The following LRRIQ1 variants were observed in gnomAD, a reference collection of about 807,000 sequenced individuals.
The protein encoded by LRRIQ1 is leucine-rich repeat- and IQ domain-containing protein 1.
A neutral mutation model predicts 211.9 loss-of-function variants in LRRIQ1; 210 were observed. That is an observed-to-expected ratio of 0.99 (90% confidence interval 0.89 to 1.11). LRRIQ1 has a LOEUF of 1.11. LRRIQ1 is among the 50% of genes most tolerant of loss of function. The probability of loss-of-function intolerance (pLI) is 0.00; values close to 1 mark genes in which losing one functional copy is unlikely to be tolerated. For missense variants in LRRIQ1, 2,136 were observed against 1,939.5 expected (o/e 1.10, Z -1.90); for synonymous variants, 699 against 650.1 (o/e 1.08, Z -1.14).
Position 85,104,064 on chromosome 12 carries a change from C to T in LRRIQ1, c.3270C>T (p.His1090=), listed in dbSNP as rs1457408496. Residue 1090 remains histidine (H), a synonymous_variant, in exon 14 of 27, where the codon CAC becomes CAT. Transcript: ENST00000393217. ...FVSLEKLDVS[H]NCLSDLKSAI... is the part of the protein sequence containing the mutation. ...CATTGGAAAAGCTAGATGTCAGCCA[C>T]AATTGTCTTTCTGGTAAGTTTAGCA... 1.2e-5 allele frequency: 18 copies of T among 1,547,024 alleles called. No individual in the cohort carries two copies. Among genetic ancestry groups the T allele is most frequent in the African/African-American group, 2.8e-5 (2 of 71,860 alleles).
In LRRIQ1 at chr12:85,261,948, G is replaced by A. The variant is rs575120648; in HGVS notation, c.122-967G>A. 2.2e-4 allele frequency among the ~76,000 whole-genome samples: 33 copies of A among 151,914 alleles called. No individual in the cohort carries two copies. In the East Asian group the frequency reaches 5.4e-3, roughly 25 times the overall value. On this transcript the variant is annotated intron_variant, in intron 1 of 1. Coordinates refer to the LRRIQ1 transcript ENST00000602731. The stretch of plus-strand genomic sequence containing the variant: ...TGGGATTACAGGCATGCGCCACCAC[G>A]CCCGGCTAATTTTGTGTTTTTGATA...
rs112120416 is a variant in LRRIQ1, at chr12:85,174,540, CAA to C, written c.4822+13838_4822+13839del. Among the ~76,000 whole-genome samples the C allele has an allele frequency of 9.7e-5, 13 of 134,474 alleles. No homozygotes were observed. The East Asian group carries it at 1.9e-3, about 20-fold the overall frequency. 88.2% of individuals were successfully genotyped at this position (134,474 alleles called of 152,430 possible). Reference sequence around the variant, plus strand: ...CAAAACCCTGTCTCTACTAAAAATACAAAAAAAAAAAAATAGCTGGGCATGCT... The same window carrying C: ...CAAAACCCTGTCTCTACTAAAAATACAAAAAAAAAAATAGCTGGGCATGCT... On this transcript the variant is annotated intron_variant, in intron 24 of 26. Coordinates refer to ENST00000393217, the MANE Select transcript of LRRIQ1 (RefSeq NM_001079910.2).
chr12:85,102,959 A>AAAAAAAAATATATATATATAT (rs1458673370), intron 13 of LRRIQ1, among the ~76,000 whole-genome samples: 2 of 108,498 alleles, frequency 1.8e-5, no homozygotes, highest in African/African-American at 8.3e-5. Flanking sequence ...AAAAAAAAAA[A>AAAAAAAAATATATATATATAT]ATATATATAT....
At chr12:85,167,861 A>G (rs1297715468) in intron 24 of LRRIQ1, among the ~76,000 whole-genome samples, 1 of 152,138 alleles carries the variant, frequency 6.6e-6, no homozygotes, top group Admixed American at 6.5e-5. Flanking sequence ...AGACAATAAT[A>G]AGGTCATAAT....
At chr12:85,172,616 A>G (rs1891472306) in intron 24 of LRRIQ1, among the ~76,000 whole-genome samples, 1 of 152,150 alleles carries the variant, frequency 6.6e-6, no homozygotes, top group Non-Finnish European at 1.5e-5. Flanking sequence ...TATTTTTAAG[A>G]TATAGATGAG....
intron 10 of LRRIQ1, among the ~76,000 whole-genome samples, chr12:85,068,845 A>G (rs868268569): frequency 6.6e-6 from 1 of 151,306 alleles, no homozygotes; most frequent in South Asian, 2.1e-4. Context: ...GTCTTACAGA[A>G]TGTCCTGCCT....
intron 25 of LRRIQ1, among the ~76,000 whole-genome samples, chr12:85,230,878 T>G (rs1344038278): frequency 6.6e-6 from 1 of 150,448 alleles, no homozygotes; most frequent in Non-Finnish European, 1.5e-5. Flanking sequence ...TGAAACCCCG[T>G]CTCTACTAAA....
At chr12:85,115,305 G>A (rs1274109317) in intron 15 of LRRIQ1, among the ~76,000 whole-genome samples, 1 of 152,108 alleles carries the variant, frequency 6.6e-6, no homozygotes, top group East Asian at 1.9e-4. Context: ...TAGAACTTGA[G>A]GCCAATCCAT....
At chr12:85,206,135 C>G (rs1352074338) in intron 24 of LRRIQ1, among the ~76,000 whole-genome samples, 1 of 152,170 alleles carries the variant, frequency 6.6e-6, no homozygotes, top group African/African-American at 2.4e-5. Flanking sequence ...TCACCTTGGG[C>G]AGAACACTGG....
intron 24 of LRRIQ1, among the ~76,000 whole-genome samples, chr12:85,198,115 A>T (rs1244598951): frequency 4.2e-5 from 5 of 119,676 alleles, no homozygotes; most frequent in African/African-American, 1.6e-4. Flanking sequence ...ATTTATATAT[A>T]ATATATAATA....
chr12:85,106,432 T>C lies in LRRIQ1; in HGVS notation c.3284-90T>C, dbSNP rs1259172017. The stretch of plus-strand genomic sequence containing the variant: ...AAATAAAAATATTGCTTTTCTTTAA[T>C]AGCAAACCAGTAAATACAGTGGTCA... On this transcript the variant is annotated intron_variant, in intron 14 of 26. Coordinates refer to ENST00000393217, the MANE Select transcript of LRRIQ1 (RefSeq NM_001079910.2). 6.7e-6 allele frequency: 6 copies of C among 894,458 alleles called. No individual in the cohort carries two copies. In the South Asian group the frequency reaches 9.5e-5, roughly 14 times the overall value. The allele number at this position is 894,458 out of a possible 1,614,324, so 55.4% of individuals were successfully genotyped here.
intron 24 of LRRIQ1, among the ~76,000 whole-genome samples, chr12:85,183,007 C>T (rs1332138563): frequency 1.3e-5 from 2 of 152,278 alleles, no homozygotes; most frequent in East Asian, 1.9e-4. Flanking sequence ...TTCCAGTGCA[C>T]GCACTCCAGC....
intron 1 of LRRIQ1, among the ~76,000 whole-genome samples, chr12:85,255,452 A>G (rs1351138887): frequency 2.6e-5 from 4 of 151,778 alleles, no homozygotes; most frequent in Admixed American, 2.6e-4. Context: ...TTCCTCATAT[A>G]AAAACAATAA....
chr12:85,047,314 G>T lies in LRRIQ1; in HGVS notation c.522G>T (p.Trp174Cys), dbSNP rs1187413395. Residue 174 changes from tryptophan (W) to cysteine (C), a missense_variant, in exon 6 of 27, where the codon TGG (tryptophan) becomes TGT (cysteine). Physicochemically the swap from Trp to Cys is radical, Grantham distance 215. Transcript: ENST00000393217. The part of the protein sequence containing the change: ...EEKCRQSFEA[W>C]QEKQKELEDK... Reference sequence around the variant, plus strand: ...AATGTAGACAGTCTTTTGAGGCTTGGCAAGAGAAACAGAAGGAATTAGAAG... The same window carrying T: ...AATGTAGACAGTCTTTTGAGGCTTGTCAAGAGAAACAGAAGGAATTAGAAG... 2 of 1,611,968 alleles carry T rather than the reference G, an allele frequency of 1.2e-6. No homozygotes were observed. Among genetic ancestry groups the T allele is most frequent in the South Asian group, 2.2e-5 (2 of 90,632 alleles).
chr12:85,139,986 A>G (rs1889406559), intron 19 of LRRIQ1, among the ~76,000 whole-genome samples: 1 of 147,008 alleles, frequency 6.8e-6, no homozygotes, highest in East Asian at 2.0e-4. Context: ...AAGGTCAGCT[A>G]TTTATTCTCA....
intron 26 of LRRIQ1, among the ~76,000 whole-genome samples, chr12:85,237,414 G>A (rs1895239827): frequency 1.3e-5 from 2 of 151,956 alleles, no homozygotes; most frequent in Non-Finnish European, 2.9e-5. Flanking sequence ...TGAGATAAAT[G>A]GTATTTACAG....
At chr12:85,172,234 G>A (rs542065847) in intron 24 of LRRIQ1, among the ~76,000 whole-genome samples, 1 of 152,176 alleles carries the variant, frequency 6.6e-6, no homozygotes, top group South Asian at 2.1e-4. Flanking sequence ...AAACTTCTCT[G>A]TCATCTGTAT....
intron 24 of LRRIQ1, among the ~76,000 whole-genome samples, chr12:85,175,361 A>G (rs1891640552): frequency 1.3e-5 from 2 of 152,192 alleles, no homozygotes; most frequent in African/African-American, 4.8e-5. Flanking sequence ...AGCAGGGAGA[A>G]AAAGAGTATA....
chr12:85,169,669 TG>T (rs1329104782), intron 24 of LRRIQ1, among the ~76,000 whole-genome samples: 1 of 152,202 alleles, frequency 6.6e-6, no homozygotes. Flanking sequence ...AACCTTTCCC[TG>T]TAACACTATT....
Sources: gnomAD v4.1 joint callset for allele counts (sites outside exome capture counted in the v4.1 genomes callset) on GRCh38, gnomAD v4.1.1 for gene constraint, MANE v1.5 for transcripts, NCBI Gene and HGNC (gene_info 2026-07-23, HGNC 2026-07-21) for gene names.